Variants in HSDL2 observed in about 807,000 individuals in gnomAD.
The protein encoded by HSDL2 is hydroxysteroid dehydrogenase-like protein 2.
In HSDL2, 27 loss-of-function variants were observed where a neutral mutation model predicts 46.3. The observed-to-expected ratio is 0.58, with a 90% CI of 0.43 to 0.80. HSDL2 has a LOEUF of 0.80. HSDL2 is among the 30% of genes least tolerant of loss of function. The pLI is 0.00. For missense variants in HSDL2, 451 were observed against 502.7 expected, an observed-to-expected ratio of 0.90 and a Z score of 0.98; for synonymous variants, 153 against 163.6, an observed-to-expected ratio of 0.94 and a Z score of 0.50.
intron 10 of HSDL2, among the ~76,000 whole-genome samples, chr9:112,463,697 C>CTCTG (rs10651946): frequency 0.96 from 145,154 of 151,956 alleles, 69,390 homozygotes; most frequent in African/African-American, 0.98. Context: ...CACAGTCTTG[C>CTCTG]TCTCCTAGGC....
Position 112,470,613 on chromosome 9 carries a change from ATGTT to A in HSDL2, c.*75_*78del, listed in dbSNP as rs1359648879. 2.4e-6 allele frequency: 2 copies of A among 820,336 alleles called. No homozygotes were observed. The highest frequency in any genetic ancestry group is 3.9e-6 in the Non-Finnish European group (2 of 511,984). 50.8% of individuals were successfully genotyped at this position (820,336 alleles called of 1,614,324 possible). On this transcript the variant is annotated 3_prime_UTR_variant, in exon 11 of 11. Transcript: ENST00000398805. ...AAAAAAGCTCAACAGTTAAAATCTA[ATGTT>A]TGTTTTCTTTCCTGTTATATTATAA... is the stretch of plus-strand genomic sequence containing the variant.
intron 4 of HSDL2, among the ~76,000 whole-genome samples, chr9:112,415,495 G>GGAAGAA (rs1270566747): frequency 6.6e-6 from 1 of 152,128 alleles, no homozygotes; most frequent in South Asian, 2.1e-4. Context: ...ACAATGAAGG[G>GGAAGAA]GCAGAAGCAG....
rs145924790 is a variant in HSDL2 at position 112,397,887 on chromosome 9, G to A, written c.18-6108G>A. Among the ~76,000 whole-genome samples the A allele has an allele frequency of 4.6e-5, 7 of 152,220 alleles. No individual in the cohort carries two copies. In the East Asian group the frequency reaches 7.7e-4, roughly 17 times the overall value. ...TTCTTTTAAAAAGGTAAGATTGAGC[G>A]GCCTAAATCAATGCACTTGTACCCC... On this transcript the variant is annotated intron_variant, in intron 1 of 10. Transcript: ENST00000398805.
intron 1 of HSDL2, among the ~76,000 whole-genome samples, chr9:112,392,395 G>A (rs900569431): frequency 6.6e-6 from 1 of 152,302 alleles, no homozygotes; most frequent in East Asian, 1.9e-4. Context: ...CCAGGGCAGA[G>A]TTTTTCCTCA....
At chr9:112,391,040 G>A (rs1300710245) in intron 1 of HSDL2, among the ~76,000 whole-genome samples, 1 of 151,854 alleles carries the variant, frequency 6.6e-6, no homozygotes, top group Non-Finnish European at 1.5e-5. Context: ...GCCAGGCATG[G>A]TGGCACATGC....
intron 4 of HSDL2, among the ~76,000 whole-genome samples, chr9:112,413,485 C>CA (rs200403116): frequency 2.9e-3 from 266 of 92,450 alleles, no homozygotes; most frequent in African/African-American, 9.3e-3. Context: ...AATTCCCTCT[C>CA]AAAAAAAAAG....
rs562760639 is a variant in HSDL2, at chr9:112,391,865, G to A, written c.17+11685G>A. ...GGTTGCAGTGAGCTGCAGCCTGGGC[G>A]ACAAGAGCAAAACTCTGTCTCAAAA... is the stretch of plus-strand genomic sequence containing the variant. On this transcript the variant is annotated intron_variant, in intron 1 of 10. Coordinates refer to ENST00000398805, the MANE Select transcript of HSDL2 (RefSeq NM_032303.5). 1.2e-4 allele frequency among the ~76,000 whole-genome samples: 16 copies of A among 137,756 alleles called. No homozygotes were observed. In the East Asian group the frequency reaches 1.9e-3, roughly 17 times the overall value. The allele number at this position is 137,756 out of a possible 152,430, so 90.4% of individuals were successfully genotyped here.
At chr9:112,418,323 C>G (rs761829984) in intron 5 of HSDL2, among the ~76,000 whole-genome samples, 31 of 151,808 alleles carry the variant, frequency 2.0e-4, no homozygotes, top group Non-Finnish European at 3.7e-4. Context: ...TGGCTCGTAC[C>G]TGTAATCCCA....
intron 8 of HSDL2, among the ~76,000 whole-genome samples, chr9:112,450,285 A>T (rs1047971329): frequency 4.9e-5 from 7 of 141,538 alleles, no homozygotes; most frequent in Non-Finnish European, 1.1e-4. Flanking sequence ...ATAGAAAAAA[A>T]TTAAAACATT....
At chr9:112,393,635 A>T (rs1187435692) in intron 1 of HSDL2, among the ~76,000 whole-genome samples, 2 of 152,244 alleles carry the variant, frequency 1.3e-5, no homozygotes, top group African/African-American at 4.8e-5. Flanking sequence ...CAGCGATTAA[A>T]GTGAAAACAA....
chr9:112,402,936 T>A (rs1254875708), intron 1 of HSDL2, among the ~76,000 whole-genome samples: 1 of 151,406 alleles, frequency 6.6e-6, no homozygotes, highest in African/African-American at 2.4e-5. Context: ...AGAGCGAGAC[T>A]GTGTCTCAAA....
At chr9:112,438,737 T>A in intron 7 of HSDL2, 112 bp downstream of exon 7, 1 of 643,984 alleles carries the variant, frequency 1.6e-6, no homozygotes, top group Non-Finnish European at 2.6e-6. Context: ...TGTGTTCTTT[T>A]AAAAGCTGTC....
chr9:112,384,446 A>G (rs149579690), intron 1 of HSDL2, among the ~76,000 whole-genome samples: 38 of 152,220 alleles, frequency 2.5e-4, no homozygotes, highest in Non-Finnish European at 4.0e-4. Context: ...CCTTTCTCCT[A>G]CTGGGAATCA....
rs1378729877 is a variant in HSDL2 at position 112,398,102 on chromosome 9, G to A, written c.18-5893G>A. On this transcript the variant is annotated intron_variant, in intron 1 of 10. Transcript: ENST00000398805. ...GAGGTTGAGGAGGTCGGACTGGTAT[G>A]AGAGTATGAGAAAGGGGCATTGGGG... 2.0e-5 allele frequency among the ~76,000 whole-genome samples: 3 copies of A among 152,164 alleles called. No individual in the cohort carries two copies. In the East Asian group the frequency reaches 5.8e-4, roughly 29 times the overall value.
chr9:112,432,288 G>A (rs1832425595), intron 6 of HSDL2, among the ~76,000 whole-genome samples: 1 of 152,202 alleles, frequency 6.6e-6, no homozygotes, highest in African/African-American at 2.4e-5. Flanking sequence ...GTCAGGTTTA[G>A]TAGTCTGTAC....
At chr9:112,420,662 C>A (rs568878220) in intron 6 of HSDL2, among the ~76,000 whole-genome samples, 4 of 152,088 alleles carry the variant, frequency 2.6e-5, no homozygotes, top group Admixed American at 6.5e-5. Flanking sequence ...CAGAGTGAGA[C>A]CCTGTCTCAA....
intron 8 of HSDL2, among the ~76,000 whole-genome samples, chr9:112,444,834 G>GTTTTTTTTT: frequency 1.3e-5 from 1 of 79,640 alleles, no homozygotes; most frequent in Non-Finnish European, 2.3e-5. Flanking sequence ...ACTCAGTCTT[G>GTTTTTTTTT]TTTTTTTTTT....
chr9:112,445,697 TA>T (rs1832742749), intron 8 of HSDL2, among the ~76,000 whole-genome samples: 1 of 152,144 alleles, frequency 6.6e-6, no homozygotes, highest in Non-Finnish European at 1.5e-5. Context: ...GCTAATTTTG[TA>T]TTTTTAGTAG....
At chr9:112,441,458 A>C (rs1309113349) in intron 7 of HSDL2, among the ~76,000 whole-genome samples, 1 of 152,198 alleles carries the variant, frequency 6.6e-6, no homozygotes, top group African/African-American at 2.4e-5. Context: ...TAAAGGCTTT[A>C]CAGAACAGGT....
Sources: gnomAD v4.1 joint callset for allele counts (sites outside exome capture counted in the v4.1 genomes callset) on GRCh38, gnomAD v4.1.1 for gene constraint, MANE v1.5 for transcripts, NCBI Gene and HGNC (gene_info 2026-07-23, HGNC 2026-07-21) for gene names.